The following FGF13 variants were observed in gnomAD, a reference collection of about 807,000 sequenced individuals.
FGF13 encodes the protein fibroblast growth factor 13, also known as fibroblast growth factor homologous factor 2.
In FGF13, 2 loss-of-function variants were observed where a neutral mutation model predicts 19.5. That is an observed-to-expected ratio of 0.10 (90% confidence interval 0.04 to 0.32). The LOEUF (loss-of-function observed/expected upper bound fraction) is 0.32, where lower values mean the gene tolerates loss of function less well. Among genes scored for constraint, FGF13 ranks in the 10% least tolerant of loss-of-function variants. FGF13 has a pLI of 1.00. For missense variants in FGF13, 113 were observed against 192.7 expected, an observed-to-expected ratio of 0.59 and a Z score of 2.45; for synonymous variants, 72 against 76.9, an observed-to-expected ratio of 0.94 and a Z score of 0.33.
chrX:138,686,771 G>A (rs1472214727), intron 3 of FGF13, among the ~76,000 whole-genome samples: 1 of 111,528 alleles, frequency 9.0e-6, no homozygotes, highest in Non-Finnish European at 1.9e-5. Context: ...TTGATGATTA[G>A]TTATACTTAG....
chrX:138,769,589 G>A (rs757571404), intron 3 of FGF13, among the ~76,000 whole-genome samples: 3 of 112,165 alleles, frequency 2.7e-5, no homozygotes, highest in East Asian at 2.8e-4. Flanking sequence ...TAAAGTTAGC[G>A]CTTGATACAT....
chrX:139,171,007 T>C (rs2084127937), intron 1 of FGF13, among the ~76,000 whole-genome samples: 1 of 111,539 alleles, frequency 9.0e-6, no homozygotes, highest in Non-Finnish European at 1.9e-5. Flanking sequence ...AGATCCTACC[T>C]ATCTGCCAAA....
intron 1 of FGF13, among the ~76,000 whole-genome samples, chrX:138,959,366 T>A (rs2091857804): frequency 8.9e-6 from 1 of 112,115 alleles, no homozygotes; most frequent in African/African-American, 3.2e-5. Flanking sequence ...TCTAATTTGA[T>A]TGCACTAGGA....
intron 3 of FGF13, among the ~76,000 whole-genome samples, chrX:138,809,365 T>C (rs1385314355): frequency 8.9e-6 from 1 of 112,007 alleles, no homozygotes; most frequent in Admixed American, 9.5e-5. Context: ...TCTCAATAGA[T>C]GCAGAAAAGG....
Position 138,975,561 on chromosome X carries a change from A to C in FGF13, c.-112-110911T>G, listed in dbSNP as rs113530170. 1.7e-3 allele frequency among the ~76,000 whole-genome samples: 194 copies of C among 111,809 alleles called. 1 individual carries two copies. The highest frequency in any genetic ancestry group is 5.8e-3 in the African/African-American group (179 of 30,830). On this transcript the variant is annotated intron_variant, in intron 1 of 2. Coordinates refer to the FGF13 transcript ENST00000421460. ...AAAAAAAAGAAGAAGAAAGGCCTTCAGTATTACTGGGGGCTCTAAGAAGGT... is the reference window on the plus strand; with the variant it reads ...AAAAAAAAGAAGAAGAAAGGCCTTCCGTATTACTGGGGGCTCTAAGAAGGT...
chrX:138,753,944 C>A (rs1012671021), intron 3 of FGF13, among the ~76,000 whole-genome samples: 1 of 111,912 alleles, frequency 8.9e-6, no homozygotes, highest in African/African-American at 3.2e-5. Flanking sequence ...TGGTTATCAA[C>A]AACAACAAAA....
chrX:138,792,321 A>G (rs777377055), intron 3 of FGF13, among the ~76,000 whole-genome samples: 10 of 112,519 alleles, frequency 8.9e-5, no homozygotes, highest in Non-Finnish European at 1.5e-4. Context: ...TCTTCAGATT[A>G]GGAAACTAAG....
intron 3 of FGF13, among the ~76,000 whole-genome samples, chrX:138,694,378 C>G (rs1170006675): frequency 9.0e-6 from 1 of 110,928 alleles, no homozygotes; most frequent in Non-Finnish European, 1.9e-5. Flanking sequence ...GAAATTGCTG[C>G]CAGATCATAT....
At chrX:139,122,934 T>C (rs2083688439) in intron 1 of FGF13, among the ~76,000 whole-genome samples, 1 of 111,920 alleles carries the variant, frequency 8.9e-6, no homozygotes, top group African/African-American at 3.3e-5. Context: ...GAGGCCGTCC[T>C]GTGCACTGTA....
At chrX:139,079,986 T>G in intron 1 of FGF13, among the ~76,000 whole-genome samples, 1 of 94,729 alleles carries the variant, frequency 1.1e-5, no homozygotes, top group South Asian at 4.9e-4. Flanking sequence ...ACCGTCATCA[T>G]CACCATCATC....
intron 1 of FGF13, among the ~76,000 whole-genome samples, chrX:138,882,942 G>GC (rs1226562305): frequency 1.8e-5 from 2 of 110,863 alleles, no homozygotes; most frequent in African/African-American, 3.3e-5. Flanking sequence ...AGAGAAACCT[G>GC]CCCCCCAAAA....
intron 1 of FGF13, chrX:138,990,718 C>G (rs746562462): frequency 8.9e-6 from 1 of 111,876 alleles, no homozygotes; most frequent in Non-Finnish European, 1.9e-5. Context: ...CACCGGGTTC[C>G]TCCCACAACA....
chrX:139,128,764 AT>A (rs961314292), intron 1 of FGF13, among the ~76,000 whole-genome samples: 2 of 112,010 alleles, frequency 1.8e-5, no homozygotes, highest in African/African-American at 6.5e-5. Flanking sequence ...AGTGCCTACT[AT>A]GTGTGAGGCA....
At chrX:139,056,049 T>G (rs1184305565) in intron 1 of FGF13, among the ~76,000 whole-genome samples, 1 of 112,412 alleles carries the variant, frequency 8.9e-6, no homozygotes, top group African/African-American at 3.2e-5. Context: ...AACCAATCTT[T>G]GCTTTCTCAA....
chrX:139,052,542 C>T, intron 1 of FGF13, among the ~76,000 whole-genome samples: 1 of 111,892 alleles, frequency 8.9e-6, no homozygotes, highest in South Asian at 3.7e-4. Context: ...CAAAATTGCC[C>T]TTGTTTGATG....
chrX:138,625,508 TATA>T lies in FGF13; in HGVS notation c.*7339_*7341del, dbSNP rs1449427879. The stretch of plus-strand genomic sequence containing the variant: ...TAATATATATATATACATATATATA[TATA>T]ATATAATATATATATATATCTTAGC... On this transcript the variant is annotated 3_prime_UTR_variant, in exon 5 of 5. Transcript: ENST00000315930. The T allele has an allele frequency of 3.3e-5, 3 of 90,633 alleles. No individual in the cohort carries two copies. The highest frequency in any genetic ancestry group is 1.5e-4 in the African/African-American group (3 of 19,716). 7.5% of individuals were successfully genotyped at this position (90,633 alleles called of 1,213,427 possible).
chrX:138,651,677 T>C (rs866020212), intron 3 of FGF13, among the ~76,000 whole-genome samples: 1 of 111,636 alleles, frequency 9.0e-6, no homozygotes, highest in Admixed American at 9.5e-5. Flanking sequence ...GTTAAATGAG[T>C]GTACTCATTA....
At chrX:138,981,757 C>T (rs1028902062) in intron 1 of FGF13, among the ~76,000 whole-genome samples, 3 of 111,130 alleles carry the variant, frequency 2.7e-5, no homozygotes, top group Non-Finnish European at 1.9e-5. Flanking sequence ...GGTGGCCATG[C>T]CATGAAGCCC....
intron 3 of FGF13, among the ~76,000 whole-genome samples, chrX:138,843,773 G>T (rs1304192173): frequency 9.0e-6 from 1 of 111,570 alleles, no homozygotes; most frequent in Non-Finnish European, 1.9e-5. Flanking sequence ...TATGAAAAAT[G>T]AATTCATTTA....
Sources: gnomAD v4.1 joint callset for allele counts (sites outside exome capture counted in the v4.1 genomes callset) on GRCh38, gnomAD v4.1.1 for gene constraint, MANE v1.5 for transcripts, NCBI Gene and HGNC (gene_info 2026-07-23, HGNC 2026-07-21) for gene names.